The following RALGAPB variants were observed in gnomAD, a reference collection of about 807,000 sequenced individuals.
The protein encoded by RALGAPB is Ral GTPase activating protein non-catalytic subunit beta, also known as ral GTPase-activating protein subunit beta.
Under a neutral mutation model 161.1 loss-of-function variants are expected in RALGAPB, and 25 were observed. The observed-to-expected ratio is 0.16, with a 90% confidence interval of 0.11 to 0.22. The LOEUF (loss-of-function observed/expected upper bound fraction) is 0.22. Among genes scored for constraint, RALGAPB ranks in the 10% least tolerant of loss-of-function variants. The pLI is 1.00. For synonymous variants in RALGAPB, 629 were observed against 626.1 expected (o/e 1.00, Z -0.07); for missense variants, 1,391 against 1,815.2 (o/e 0.77, Z 4.25).
In RALGAPB at chr20:38,483,080, G is replaced by A. The variant is rs116162455; in HGVS notation, c.-30-5323G>A. On this transcript the variant is annotated intron_variant, in intron 1 of 29. Coordinates refer to ENST00000262879, the MANE Select transcript of RALGAPB (RefSeq NM_020336.4). ...TTTTTTGTGTTTTTTGTAGAGTTGG[G>A]TTTTCTCCATGTTGCCTAGGCTAGT... is the stretch of plus-strand genomic sequence containing the variant. Among the ~76,000 whole-genome samples the A allele has an allele frequency of 5.4e-4, 82 of 152,254 alleles. 1 individual carries two copies. Among genetic ancestry groups the A allele is most frequent in the African/African-American group, 1.8e-3 (76 of 41,552 alleles).
chr20:38,489,984 A>T (rs2085229487), intron 2 of RALGAPB, among the ~76,000 whole-genome samples: 1 of 151,040 alleles, frequency 6.6e-6, no homozygotes, highest in Non-Finnish European at 1.5e-5. Flanking sequence ...AAAAGAGATG[A>T]GAATTCCTGT....
intron 25 of RALGAPB, 65 bp from the exon 26 acceptor site, chr20:38,567,031 T>C: frequency 6.5e-7 from 1 of 1,545,416 alleles, no homozygotes; most frequent in Non-Finnish European, 8.7e-7. Flanking sequence ...GCATAATTAG[T>C]TTTAACAGCC....
At chr20:38,511,506 T>A (rs2085951551) in intron 6 of RALGAPB, among the ~76,000 whole-genome samples, 1 of 152,040 alleles carries the variant, frequency 6.6e-6, no homozygotes, top group African/African-American at 2.4e-5. Context: ...TGTCCCTGGG[T>A]ACTTGAGATT....
intron 5 of RALGAPB, among the ~76,000 whole-genome samples, chr20:38,503,182 T>A (rs1293064972): frequency 6.6e-6 from 1 of 152,230 alleles, no homozygotes; most frequent in Non-Finnish European, 1.5e-5. Flanking sequence ...CCATATATAA[T>A]ACACATACAA....
intron 10 of RALGAPB, among the ~76,000 whole-genome samples, chr20:38,523,390 G>T (rs1234423221): frequency 6.6e-6 from 1 of 152,166 alleles, no homozygotes; most frequent in African/African-American, 2.4e-5. Context: ...ATCCTAAATG[G>T]TACTTTGGTA....
intron 5 of RALGAPB, 59 bp from the exon 6 acceptor site, chr20:38,509,018 T>C: frequency 1.9e-6 from 3 of 1,560,298 alleles, no homozygotes; most frequent in Non-Finnish European, 2.6e-6. Flanking sequence ...CTTTCTATGC[T>C]TGAGTGTATT....
In RALGAPB at chr20:38,576,229, TTAG is replaced by T. The variant is rs544522788; in HGVS notation, c.*1265_*1267del. The T allele has an allele frequency of 1.6e-4, 24 of 152,760 alleles. 1 individual carries two copies. In the East Asian group the frequency reaches 4.6e-3, roughly 29 times the overall value. 9.5% of individuals were successfully genotyped at this position (152,760 alleles called of 1,614,324 possible). On this transcript the variant is annotated 3_prime_UTR_variant, in exon 30 of 30. Coordinates refer to ENST00000262879, the MANE Select transcript of RALGAPB (RefSeq NM_020336.4). Reference sequence around the variant, plus strand: ...ATCCTATTCTCATGTGCTTTCTTCTTTAGTAAGATTATTTTAAGAAAATAAGTG... The same window carrying T: ...ATCCTATTCTCATGTGCTTTCTTCTTTAAGATTATTTTAAGAAAATAAGTG...
chr20:38,500,144 T>C (rs895445306), intron 5 of RALGAPB: 1 of 152,186 alleles, frequency 6.6e-6, no homozygotes, highest in African/African-American at 2.4e-5. Context: ...TTAGGTTCAT[T>C]TTTTTCAGAC....
At position 38,553,857 on chromosome 20, in the gene RALGAPB, T is replaced by A. The variant is rs754654492; in HGVS notation, c.3163-10T>A. 2 of 1,588,122 alleles carry A rather than the reference T, an allele frequency of 1.3e-6. No homozygotes were observed. The highest frequency in any genetic ancestry group is 1.7e-6 in the Non-Finnish European group (2 of 1,158,422). On this transcript the variant is annotated splice_polypyrimidine_tract_variant and intron_variant, in intron 21 of 29. Transcript: ENST00000262879. ...TAGTTTCAAAAAATGAAATATTTGGTTTATTACAGTTAGAAGAGAGACACG... is the reference window on the plus strand; with the variant it reads ...TAGTTTCAAAAAATGAAATATTTGGATTATTACAGTTAGAAGAGAGACACG...
At chr20:38,564,317 A>G (rs2087904610) in intron 24 of RALGAPB, among the ~76,000 whole-genome samples, 1 of 152,212 alleles carries the variant, frequency 6.6e-6, no homozygotes, top group Non-Finnish European at 1.5e-5. Context: ...GACAGAATCG[A>G]GTAGTTGTGG....
chr20:38,556,419 C>G (rs1263854210), intron 22 of RALGAPB, among the ~76,000 whole-genome samples: 3 of 151,938 alleles, frequency 2.0e-5, no homozygotes, highest in Admixed American at 6.6e-5. Context: ...AATGAGAAGA[C>G]AGTTTGTAGG....
intron 16 of RALGAPB, among the ~76,000 whole-genome samples, chr20:38,536,891 A>T (rs2086823053): frequency 6.6e-6 from 1 of 152,228 alleles, no homozygotes; most frequent in South Asian, 2.1e-4. Context: ...TCCAGGATGG[A>T]CATCATAACT....
At chr20:38,568,464 T>G (rs2088094134) in intron 26 of RALGAPB, 1 of 152,236 alleles carries the variant, frequency 6.6e-6, no homozygotes, top group African/African-American at 2.4e-5. Context: ...GCTTTTCCTC[T>G]GAGGTGGAGA....
chr20:38,478,616 A>G (rs981837236), intron 1 of RALGAPB, among the ~76,000 whole-genome samples: 54 of 149,790 alleles, frequency 3.6e-4, no homozygotes, highest in African/African-American at 1.3e-3. Flanking sequence ...TATTTATTTT[A>G]TTTTATTTTT....
intron 3 of RALGAPB, among the ~76,000 whole-genome samples, chr20:38,494,834 C>A (rs2085375056): frequency 6.6e-6 from 1 of 152,266 alleles, no homozygotes; most frequent in South Asian, 2.1e-4. Context: ...TGTAAGCCTA[C>A]TACCTTTCAG....
chr20:38,546,070 G>GA (rs139010317), intron 18 of RALGAPB, among the ~76,000 whole-genome samples, 173 bp from the exon 19 acceptor site: 1,602 of 152,270 alleles, frequency 0.011, 22 homozygotes, highest in African/African-American at 0.037. Context: ...TCTTGGAGGG[G>GA]AGAGTCTGGA....
At chr20:38,555,223 A>G (rs1045232898) in intron 22 of RALGAPB, among the ~76,000 whole-genome samples, 1 of 152,252 alleles carries the variant, frequency 6.6e-6, no homozygotes, top group Non-Finnish European at 1.5e-5. Context: ...GAAAAGTACA[A>G]CTGAAGATTG....
chr20:38,511,888 A>G (rs1281780397), intron 6 of RALGAPB, among the ~76,000 whole-genome samples: 1 of 151,708 alleles, frequency 6.6e-6, no homozygotes, highest in Non-Finnish European at 1.5e-5. Flanking sequence ...GGGGCTGCTC[A>G]CTTCCCAGAC....
intron 3 of RALGAPB, among the ~76,000 whole-genome samples, chr20:38,493,844 G>C (rs968319078): frequency 6.6e-6 from 1 of 152,238 alleles, no homozygotes; most frequent in Non-Finnish European, 1.5e-5. Flanking sequence ...AGCATACCAT[G>C]CATGAAATGC....
Sources: gnomAD v4.1 joint callset for allele counts (sites outside exome capture counted in the v4.1 genomes callset) on GRCh38, gnomAD v4.1.1 for gene constraint, MANE v1.5 for transcripts, NCBI Gene and HGNC (gene_info 2026-07-23, HGNC 2026-07-21) for gene names.